The following PCDHGB5 variants were observed in gnomAD, a reference collection of about 807,000 sequenced individuals.
PCDHGB5 encodes protocadherin gamma subfamily B, 5, also known as protocadherin gamma-B5.
In PCDHGB5, 48 loss-of-function variants were observed where a neutral mutation model predicts 62.9. That is an observed-to-expected ratio of 0.76 (90% confidence interval 0.61 to 0.97). The LOEUF is 0.97. Among genes scored for constraint, PCDHGB5 ranks in the 50% least tolerant of loss-of-function variants. PCDHGB5 has a pLI of 0.00. For missense variants in PCDHGB5, 1,118 were observed against 1,198.6 expected (o/e 0.93, Z 0.99); for synonymous variants, 474 against 511.2 (o/e 0.93, Z 0.98).
chr5:141,510,802 C>T (rs1358684730), intron 3 of PCDHGB5, 145 bp from the exon 4 acceptor site: 1 of 1,497,192 alleles, frequency 6.7e-7, no homozygotes, highest in African/African-American at 1.4e-5. Context: ...AGAGAGACTA[C>T]CTTGGTGACC....
intron 1 of PCDHGB5, among the ~76,000 whole-genome samples, chr5:141,406,361 T>C (rs2094800900): frequency 6.6e-6 from 1 of 152,194 alleles, no homozygotes; most frequent in African/African-American, 2.4e-5. Flanking sequence ...ACTATGTTTG[T>C]AAGGGTAAAC....
chr5:141,434,401 T>C (rs1036239430), intron 1 of PCDHGB5, among the ~76,000 whole-genome samples: 2 of 152,242 alleles, frequency 1.3e-5, no homozygotes. Context: ...ACAAAATCTC[T>C]GCAGCACTGT....
In PCDHGB5 at chr5:141,491,958, A is replaced by C; in HGVS notation, c.2398-2849A>C. The C allele has an allele frequency of 2.0e-6, 2 of 999,758 alleles. No homozygotes were observed. Among genetic ancestry groups the C allele is most frequent in the Non-Finnish European group, 2.8e-6 (2 of 718,534 alleles). The allele number at this position is 999,758 out of a possible 1,614,324, so 61.9% of individuals were successfully genotyped here. The stretch of plus-strand genomic sequence containing the variant: ...ACCGACCCCCACCCCTACACTCAAA[A>C]AAGGCCGGGGCCTCCTTCGAGCTTC... On this transcript the variant is annotated intron_variant, in intron 1 of 3. Coordinates refer to ENST00000617380, the MANE Select transcript of PCDHGB5 (RefSeq NM_018925.3). The surrounding 1 kb of genome is among the most constrained non-coding windows in gnomAD (Gnocchi z 6.9).
intron 1 of PCDHGB5, chr5:141,422,227 A>G: frequency 6.4e-7 from 1 of 1,566,716 alleles, no homozygotes; most frequent in Non-Finnish European, 8.6e-7. Context: ...CACCACGACG[A>G]TGTTGATCAC....
intron 1 of PCDHGB5, 62 bp from the exon 2 acceptor site, chr5:141,494,745 G>T: frequency 1.2e-6 from 2 of 1,612,802 alleles, no homozygotes; most frequent in African/African-American, 1.3e-5. Context: ...ATCCCTAGGG[G>T]CTCGGGTGAC....
intron 1 of PCDHGB5, chr5:141,414,589 G>T: frequency 1.2e-6 from 2 of 1,613,834 alleles, no homozygotes; most frequent in African/African-American, 2.7e-5. Flanking sequence ...CAACGCCAGG[G>T]GTGCCTCCAT....
At position 141,493,412 on chromosome 5, in the gene PCDHGB5, G is replaced by A. The variant is rs1288041038; in HGVS notation, c.2398-1395G>A. Among the ~76,000 whole-genome samples, 3 of 152,114 alleles carry A rather than the reference G, an allele frequency of 2.0e-5. No individual in the cohort carries two copies. The highest frequency in any genetic ancestry group is 4.4e-5 in the Non-Finnish European group (3 of 68,024). On this transcript the variant is annotated intron_variant, in intron 1 of 3. Coordinates refer to ENST00000617380, the MANE Select transcript of PCDHGB5 (RefSeq NM_018925.3). This position sits in a 1 kb window ranked among gnomAD's most constrained non-coding sequence, Gnocchi z 4.3. ...CAGGAGAGGGGAGTTGCCTCTGCTG[G>A]GATTTTGCTTCTGCTGGGATGGGGC...
At chr5:141,422,639 C>G (rs777330051) in intron 1 of PCDHGB5, 1 of 1,612,662 alleles carries the variant, frequency 6.2e-7, no homozygotes. Flanking sequence ...AGGGGTGCCT[C>G]CATCTTCTCA....
chr5:141,410,068 C>A, intron 1 of PCDHGB5: 1 of 1,612,950 alleles, frequency 6.2e-7, no homozygotes. Context: ...TGGGGCTGCG[C>A]ACTGGGGAGG....
At chr5:141,482,116 T>C (rs1017195289) in intron 1 of PCDHGB5, among the ~76,000 whole-genome samples, 4 of 150,222 alleles carry the variant, frequency 2.7e-5, no homozygotes, top group South Asian at 2.1e-4. Context: ...TATCTAGAGA[T>C]GGGAGAATCA....
Position 141,431,612 on chromosome 5 carries a change from G to T in PCDHGB5, c.2397+31088G>T, listed in dbSNP as rs79883194. 6.2e-7 allele frequency: 1 copy of T among 1,614,244 alleles called. No homozygotes were observed. The highest frequency in any genetic ancestry group is 2.2e-5 in the East Asian group (1 of 44,880). Reference sequence around the variant, plus strand: ...AGTGAGGTATTCCTTCCGGTATGTGGACGACAAGGCGGCCCAAGTTTTCAA... The same window carrying T: ...AGTGAGGTATTCCTTCCGGTATGTGTACGACAAGGCGGCCCAAGTTTTCAA... On this transcript the variant is annotated intron_variant, in intron 1 of 3. Transcript: ENST00000617380. The surrounding 1 kb of genome is among the most constrained non-coding windows in gnomAD (Gnocchi z 4.8).
rs372054375 is a variant in PCDHGB5, at chr5:141,490,825, A to T, written c.2398-3982A>T. 9 of 1,613,692 alleles carry T rather than the reference A, an allele frequency of 5.6e-6. No individual in the cohort carries two copies. The highest frequency in any genetic ancestry group is 3.3e-4 in the Middle Eastern group (2 of 6,062). On this transcript the variant is annotated intron_variant, in intron 1 of 3. Transcript: ENST00000617380. This position sits in a 1 kb window ranked among gnomAD's most constrained non-coding sequence, Gnocchi z 5.4. ...TACCTTTGACTATGAATTGCTGCAG[A>T]TGCTGCAGATTGTGGTGGGGGTTCG... is the stretch of plus-strand genomic sequence containing the variant.
chr5:141,450,092 C>T (rs761677942), intron 1 of PCDHGB5, among the ~76,000 whole-genome samples: 2 of 148,672 alleles, frequency 1.3e-5, no homozygotes, highest in Non-Finnish European at 3.0e-5. Flanking sequence ...CTGCAACCTC[C>T]GCCTCCCAGG....
At chr5:141,501,355 A>G (rs936121172) in intron 2 of PCDHGB5, among the ~76,000 whole-genome samples, 4 of 151,760 alleles carry the variant, frequency 2.6e-5, no homozygotes, top group African/African-American at 9.7e-5. Flanking sequence ...ATAGGGCAAG[A>G]ACCATATTCA....
chr5:141,439,487 G>A lies in PCDHGB5; in HGVS notation c.2397+38963G>A, dbSNP rs11952418. 8.3e-3 allele frequency among the ~76,000 whole-genome samples: 1,269 copies of A among 152,266 alleles called. 16 individuals are homozygous for A. Among genetic ancestry groups the A allele is most frequent in the African/African-American group, 0.029 (1,205 of 41,540 alleles). Reference sequence around the variant, plus strand: ...GCTGCCTTTCAGCTTGCAAATTCCAGTGAGAAACGTCTTTCTCTCTGCTCT... The same window carrying A: ...GCTGCCTTTCAGCTTGCAAATTCCAATGAGAAACGTCTTTCTCTCTGCTCT... On this transcript the variant is annotated intron_variant, in intron 1 of 3. Coordinates refer to ENST00000617380, the MANE Select transcript of PCDHGB5 (RefSeq NM_018925.3).
rs778054090 is a variant in PCDHGB5 at position 141,505,509 on chromosome 5, G to C, written c.2545+28G>C. On this transcript the variant is annotated intron_variant, in intron 3 of 3. Coordinates refer to ENST00000617380, the MANE Select transcript of PCDHGB5 (RefSeq NM_018925.3). ...AAGTGGTGTCAGTGTGTGTATGGAA[G>C]AGTGGGAGACCTGGGGTTCTGGGGT... The C allele has an allele frequency of 3.7e-6, 6 of 1,614,058 alleles. No homozygotes were observed. The East Asian group carries it at 1.1e-4, about 30-fold the overall frequency.
In PCDHGB5 at chr5:141,489,734, A is replaced by G; in HGVS notation, c.2398-5073A>G. The G allele has an allele frequency of 6.2e-7, 1 of 1,614,164 alleles. No individual in the cohort carries two copies. Among genetic ancestry groups the G allele is most frequent in the Non-Finnish European group, 8.5e-7 (1 of 1,180,028 alleles). On this transcript the variant is annotated intron_variant, in intron 1 of 3. Transcript: ENST00000617380. This position sits in a 1 kb window ranked among gnomAD's most constrained non-coding sequence, Gnocchi z 4.5. ...GCCCAGGATCCGGATGTGGGCACCAATACTGTGAGCTTTTACACTCTAAGC... is the reference window on the plus strand; with the variant it reads ...GCCCAGGATCCGGATGTGGGCACCAGTACTGTGAGCTTTTACACTCTAAGC...
chr5:141,410,295 T>C (rs1043971768), intron 1 of PCDHGB5: 2 of 1,613,982 alleles, frequency 1.2e-6, no homozygotes, highest in East Asian at 2.2e-5. Context: ...GCCTTGGCCT[T>C]AATCTCAGTG....
chr5:141,478,977 T>G (rs1004184325), intron 1 of PCDHGB5, among the ~76,000 whole-genome samples: 12 of 152,210 alleles, frequency 7.9e-5, no homozygotes, highest in Admixed American at 5.2e-4. Flanking sequence ...TTCAAGTGAT[T>G]GTGACATTTG....
Sources: gnomAD v4.1 joint callset for allele counts (sites outside exome capture counted in the v4.1 genomes callset) on GRCh38, gnomAD v4.1.1 for gene constraint, Gnocchi (gnomAD v3.1) non-coding constraint, MANE v1.5 for transcripts, NCBI Gene and HGNC (gene_info 2026-07-23, HGNC 2026-07-21) for gene names.